DGKA: variants seen among roughly 807,000 people sequenced by gnomAD.
DGKA encodes diacylglycerol kinase alpha.
DGKA carries 35 observed loss-of-function variants against 105.0 expected under a neutral mutation model. The observed-to-expected ratio is 0.33, with a 90% confidence interval of 0.25 to 0.44. The LOEUF is 0.44. Ranked by LOEUF, DGKA falls within the 20% of genes least tolerant of loss-of-function variation. The pLI is 1.00. For synonymous variants in DGKA, 296 were observed against 332.0 expected (o/e 0.89, Z 1.18); for missense variants, 665 against 915.0 (o/e 0.73, Z 3.53).
intron 3 of DGKA, 74 bp downstream of exon 3, chr12:55,937,164 A>G: frequency 1.3e-6 from 2 of 1,522,876 alleles, no homozygotes; most frequent in Non-Finnish European, 1.8e-6. Context: ...ACTTCCAGGA[A>G]TTATTCTGGG....
Position 55,940,362 on chromosome 12 carries a change from G to A in DGKA, c.847G>A (p.Asp283Asn), listed in dbSNP as rs971728900. ...VRGGCESGRC[D>N]RCQKKIRIYH... ...AGGAGGCTGTGAGTCCGGGCGCTGC[G>A]ACCGCTGTCAGAAAAAGATCCGGAT... The change falls in exon 11 of 24, where the codon GAC (aspartate) becomes AAC (asparagine). Residue 283 changes from aspartate (D) to asparagine (N), a missense_variant. Around this residue, in one of 3 missense-constraint regions of DGKA, gnomAD observed 504 missense variants for 681.2 expected, o/e 0.74. Coordinates refer to ENST00000331886, the MANE Select transcript of DGKA (RefSeq NM_001345.5). This position sits in a 1 kb window ranked among gnomAD's most constrained non-coding sequence, Gnocchi z 4.3. 17 of 1,614,034 alleles carry A rather than the reference G, an allele frequency of 1.1e-5. No individual in the cohort carries two copies. Among genetic ancestry groups the A allele is most frequent in the Non-Finnish European group, 1.3e-5 (15 of 1,180,030 alleles).
At position 55,938,026 on chromosome 12, in the gene DGKA, G is replaced by GT; in HGVS notation, c.324dup (p.Gly109TrpfsTer39). 1 of 1,614,152 alleles carries GT rather than the reference G, an allele frequency of 6.2e-7. No homozygotes were observed. On this transcript the variant is annotated frameshift_variant, in exon 5 of 24. Coordinates refer to ENST00000331886, the MANE Select transcript of DGKA (RefSeq NM_001345.5). LOFTEE classifies it high-confidence loss of function. ...TCCTGCTACTTTTCCCTTCTGGAGG[G>GT]TGGTCGGCCAGAAGACAAGTTAGAA...
chr12:55,941,085 T>C, intron 13 of DGKA, 105 bp downstream of exon 13: 1 of 1,387,010 alleles, frequency 7.2e-7, no homozygotes, highest in African/African-American at 1.4e-5. Context: ...CGGTTGATGC[T>C]CACTCTCCAG....
chr12:55,935,811 C>A, intron 1 of DGKA: 1 of 930,666 alleles, frequency 1.1e-6, no homozygotes, highest in Non-Finnish European at 1.3e-6. Context: ...AGGGACCTTG[C>A]CAGAGCTGGT....
At position 55,932,805 on chromosome 12, in the gene DGKA, G is replaced by A. The variant is rs1312776263; in HGVS notation, c.-82+1461G>A. The A allele has an allele frequency of 3.7e-6, 2 of 547,188 alleles. No homozygotes were observed. Among genetic ancestry groups the A allele is most frequent in the Non-Finnish European group, 6.6e-6 (2 of 304,338 alleles). 33.9% of individuals were successfully genotyped at this position (547,188 alleles called of 1,614,324 possible). A position where few individuals can be genotyped will look rare whatever the true frequency, so the allele number is the denominator to read the frequency against. On this transcript the variant is annotated intron_variant, in intron 1 of 23. Coordinates refer to ENST00000331886, the MANE Select transcript of DGKA (RefSeq NM_001345.5). The surrounding 1 kb of genome is among the most constrained non-coding windows in gnomAD (Gnocchi z 4.3). ...TTGTGGAGGCTTAATAAGTTTTGAGGCTTCAAGCAAATGATTCCCTCTTGA... is the reference window on the plus strand; with the variant it reads ...TTGTGGAGGCTTAATAAGTTTTGAGACTTCAAGCAAATGATTCCCTCTTGA...
chr12:55,928,026 G>A (rs1883229712), upstream of DGKA: 2 of 521,208 alleles, frequency 3.8e-6, no homozygotes, highest in South Asian at 2.6e-5. Flanking sequence ...ATCCGGTCCC[G>A]TAGTGTCACT....
In DGKA at chr12:55,939,038, G is replaced by A. The variant is rs370110572; in HGVS notation, c.474+49G>A. 544 of 1,612,854 alleles carry A rather than the reference G, an allele frequency of 3.4e-4. 3 individuals are homozygous for A. Among genetic ancestry groups the A allele is most frequent in the South Asian group, 1.7e-3 (153 of 91,020 alleles). ...CCCTTCTTGTACCTTCTTCCCTGGT[G>A]AGTCCTGCATCTGCCTTACTTCATC... On this transcript the variant is annotated intron_variant, in intron 7 of 23. Coordinates refer to ENST00000331886, the MANE Select transcript of DGKA (RefSeq NM_001345.5).
chr12:55,939,826 C>T, intron 9 of DGKA: 1 of 587,044 alleles, frequency 1.7e-6, no homozygotes, highest in Non-Finnish European at 3.0e-6. Context: ...TAGACCTGGG[C>T]CTCCCAAGCA....
At chr12:55,948,759 C>T (rs1241011069) in intron 17 of DGKA, among the ~76,000 whole-genome samples, 4 of 151,968 alleles carry the variant, frequency 2.6e-5, no homozygotes, top group Admixed American at 6.6e-5. Context: ...CGCAGTGGCT[C>T]ACGCCTGTAA....
chr12:55,951,500 C>T, intron 17 of DGKA, 123 bp from the exon 18 acceptor site: 1 of 1,004,594 alleles, frequency 1.0e-6, no homozygotes, highest in South Asian at 1.6e-5. Flanking sequence ...CTGTCACTGG[C>T]TAGGGCTGGG....
In DGKA at chr12:55,940,677, C is replaced by T. The variant is rs1418136891; in HGVS notation, c.972C>T (p.Leu324=). ...AVGHECDCGL[L]RDHILPPSSI... is the part of the protein sequence containing the mutation. ...GCCATGAGTGTGACTGTGGGCTGCT[C>T]CGGGATCACATCCTGCCTCCATCTT... Residue 324 remains leucine, a synonymous_variant, in exon 12 of 24, where the codon CTC becomes CTT. Transcript: ENST00000331886. The surrounding 1 kb of genome is among the most constrained non-coding windows in gnomAD (Gnocchi z 4.3). 2 of 1,604,962 alleles carry T rather than the reference C, an allele frequency of 1.2e-6. No individual in the cohort carries two copies. Among genetic ancestry groups the T allele is most frequent in the Admixed American group, 3.5e-5 (2 of 56,486 alleles).
chr12:55,938,629 C>G (rs1390550375), intron 6 of DGKA, 69 bp downstream of exon 6: 1 of 1,610,946 alleles, frequency 6.2e-7, no homozygotes, highest in African/African-American at 1.3e-5. Context: ...CCTGCCCCAA[C>G]TCTTCCAGGG....
intron 4 of DGKA, 134 bp downstream of exon 4, chr12:55,937,677 T>C: frequency 8.1e-7 from 1 of 1,227,558 alleles, no homozygotes; most frequent in South Asian, 1.4e-5. Flanking sequence ...GTCAGGCTGG[T>C]CTAGGAGCTA....
chr12:55,939,821 C>T lies in DGKA; in HGVS notation c.710-261C>T, dbSNP rs1885523361. 6.5e-5 allele frequency: 38 copies of T among 586,740 alleles called. No individual in the cohort carries two copies. The South Asian group carries it at 7.0e-4, about 11-fold the overall frequency. 36.3% of individuals were successfully genotyped at this position (586,740 alleles called of 1,614,324 possible). ...ATTATGATTACTGTTGCTGTTAGACCTGGGCCTCCCAAGCATTATCCAGCT... is the reference window on the plus strand; with the variant it reads ...ATTATGATTACTGTTGCTGTTAGACTTGGGCCTCCCAAGCATTATCCAGCT... On this transcript the variant is annotated intron_variant, in intron 9 of 23. Transcript: ENST00000331886.
chr12:55,946,987 T>TTC (rs1555188968), intron 17 of DGKA, among the ~76,000 whole-genome samples: 1 of 147,634 alleles, frequency 6.8e-6, no homozygotes, highest in African/African-American at 2.5e-5. Flanking sequence ...TTTCTTTCTT[T>TTC]TTTTTTTTTT....
upstream of DGKA, chr12:55,927,662 C>T (rs949533281): frequency 3.3e-6 from 5 of 1,529,842 alleles, no homozygotes; most frequent in African/African-American, 6.9e-5. Flanking sequence ...TCGGCCAACC[C>T]ACTCAACCAC....
Position 55,941,981 on chromosome 12 carries a change from T to C in DGKA, c.1251-17T>C, listed in dbSNP as rs1323129299. The C allele has an allele frequency of 1.2e-6, 2 of 1,613,792 alleles. No individual in the cohort carries two copies. Among genetic ancestry groups the C allele is most frequent in the South Asian group, 2.2e-5 (2 of 90,984 alleles). On this transcript the variant is annotated splice_polypyrimidine_tract_variant and intron_variant, in intron 15 of 23. Transcript: ENST00000331886. The stretch of plus-strand genomic sequence containing the variant: ...TCCTGTTATCCTTCTTCATATTCTC[T>C]CTCCCCTTTGTCTCAGGCTCCGATT...
chr12:55,936,093 C>T, intron 1 of DGKA: 1 of 911,882 alleles, frequency 1.1e-6, no homozygotes, highest in Non-Finnish European at 1.3e-6. Flanking sequence ...GACACACCCA[C>T]AGAAACATAT....
Position 55,953,756 on chromosome 12 carries a change from C to A in DGKA, c.2196C>A (p.Gly732=), listed in dbSNP as rs367623594. The A allele has an allele frequency of 2.5e-6, 4 of 1,614,036 alleles. No individual in the cohort carries two copies. The highest frequency in any genetic ancestry group is 2.5e-6 in the Non-Finnish European group (3 of 1,180,010). ...GPPPRSTNFF[G]FLS The stretch of plus-strand genomic sequence containing the variant: ...CCCCCCGCTCCACCAATTTCTTTGG[C>A]TTCTTGAGCTAAGGGGGACACCCTT... Residue 732 remains glycine (G), a synonymous_variant, in exon 24 of 24, where the codon GGC becomes GGA. Transcript: ENST00000331886.
Sources: allele counts gnomAD v4.1 joint callset (sites outside exome capture counted in the v4.1 genomes callset), GRCh38; gene constraint gnomAD v4.1.1; regional missense constraint gnomAD v4.1.1; non-coding constraint Gnocchi (gnomAD v3.1); transcripts MANE v1.5; gene names NCBI Gene and HGNC (gene_info 2026-07-23, HGNC 2026-07-21).